CFAP53: variants seen among roughly 807,000 people sequenced by gnomAD.
CFAP53 encodes the protein cilia and flagella associated protein 53, also known as cilia- and flagella-associated protein 53.
In CFAP53, 62 loss-of-function variants were observed where a neutral mutation model predicts 59.7. That is an observed-to-expected ratio of 1.04 (90% CI 0.85 to 1.28). CFAP53 has a LOEUF of 1.28. Ranked by LOEUF, CFAP53 falls within the 50% of genes most tolerant of loss-of-function variation. The pLI is 0.00. For missense variants in CFAP53, 629 were observed against 615.6 expected, an observed-to-expected ratio of 1.02 and a Z score of -0.23; for synonymous variants, 218 against 205.7, an observed-to-expected ratio of 1.06 and a Z score of -0.51.
chr18:50,266,210 C>A (rs1421773785), intron 1 of CFAP53, 126 bp downstream of exon 1: 5 of 819,946 alleles, frequency 6.1e-6, no homozygotes, highest in Non-Finnish European at 1.0e-5. Context: ...ATTCAACCCA[C>A]TGCATCAGGC....
chr18:50,227,411 G>A lies in CFAP53; in HGVS notation c.1515C>T (p.Arg505=). Residue 505 remains arginine, a synonymous_variant, in exon 8 of 8, where the codon CGC becomes CGT. Coordinates refer to ENST00000398545, the MANE Select transcript of CFAP53 (RefSeq NM_145020.5). ...QVLPQNIHPM[R]KACPSKLPP is the part of the protein sequence containing the mutation. Reference sequence around the variant, plus strand: ...GTGGAAGCTTACTGGGGCATGCCTTGCGCATGGGATGAATGTTTTGAGGCA... The same window carrying A: ...GTGGAAGCTTACTGGGGCATGCCTTACGCATGGGATGAATGTTTTGAGGCA... The A allele has an allele frequency of 1.9e-6, 3 of 1,614,006 alleles. No individual in the cohort carries two copies. Among genetic ancestry groups the A allele is most frequent in the Non-Finnish European group, 2.5e-6 (3 of 1,179,870 alleles).
chr18:50,246,963 G>A (rs190869799), intron 5 of CFAP53, among the ~76,000 whole-genome samples: 39 of 152,066 alleles, frequency 2.6e-4, no homozygotes, highest in African/African-American at 8.0e-4. Flanking sequence ...CAGGAGAATC[G>A]CTTGAACCTG....
At chr18:50,242,566 G>A (rs747735824) in intron 6 of CFAP53, among the ~76,000 whole-genome samples, 18 of 152,124 alleles carry the variant, frequency 1.2e-4, no homozygotes, top group African/African-American at 3.1e-4. Flanking sequence ...GATAACTTTC[G>A]AAAGAAAAGA....
intron 3 of CFAP53, 53 bp from the exon 4 acceptor site, chr18:50,251,837 C>T: frequency 1.4e-6 from 2 of 1,449,596 alleles, no homozygotes; most frequent in Non-Finnish European, 1.9e-6. Flanking sequence ...AGGCACTGCT[C>T]TATTGAGGCA....
chr18:50,250,533 T>C (rs1315518285), intron 5 of CFAP53, among the ~76,000 whole-genome samples: 1 of 152,194 alleles, frequency 6.6e-6, no homozygotes, highest in Non-Finnish European at 1.5e-5. Flanking sequence ...GGGAGTGTGC[T>C]GAAACACAGA....
chr18:50,245,026 G>A (rs1450356812), intron 5 of CFAP53, among the ~76,000 whole-genome samples: 1 of 137,766 alleles, frequency 7.3e-6, no homozygotes, highest in Non-Finnish European at 1.5e-5. Context: ...ACATGCCACT[G>A]CACTCGAGCC....
intron 7 of CFAP53, among the ~76,000 whole-genome samples, chr18:50,237,570 T>C (rs2033650092): frequency 6.6e-6 from 1 of 151,258 alleles, no homozygotes. Flanking sequence ...GCACCAAGTG[T>C]GAGTAAGTCA....
intron 6 of CFAP53, among the ~76,000 whole-genome samples, chr18:50,240,588 G>A (rs912342716): frequency 6.6e-6 from 1 of 152,164 alleles, no homozygotes; most frequent in Non-Finnish European, 1.5e-5. Flanking sequence ...CTTTCTGCAG[G>A]AAGTAAAGAT....
intron 5 of CFAP53, among the ~76,000 whole-genome samples, chr18:50,245,834 T>C (rs189273198): frequency 1.5e-3 from 229 of 152,264 alleles, no homozygotes; most frequent in African/African-American, 2.9e-3. Flanking sequence ...GAACAAAGTT[T>C]GAGGATTTAC....
chr18:50,261,954 A>G (rs1354700311), intron 2 of CFAP53, 36 bp downstream of exon 2: 1 of 1,535,656 alleles, frequency 6.5e-7, no homozygotes, highest in Non-Finnish European at 9.0e-7. Flanking sequence ...TTTTAGGAAT[A>G]TTTCATGGTT....
intron 6 of CFAP53, among the ~76,000 whole-genome samples, chr18:50,239,941 T>A (rs79936656): frequency 0.024 from 3,671 of 152,330 alleles, 137 homozygotes; most frequent in African/African-American, 0.083. Context: ...TCTATAACAT[T>A]TATCACTTGT....
At chr18:50,241,981 A>G (rs747435493) in intron 6 of CFAP53, among the ~76,000 whole-genome samples, 22 of 151,998 alleles carry the variant, frequency 1.4e-4, no homozygotes, top group Non-Finnish European at 3.1e-4. Flanking sequence ...TAAGACAGAC[A>G]CTCCCAGAGC....
chr18:50,238,578 G>A (rs1356638966), intron 7 of CFAP53, 25 bp downstream of exon 7: 1 of 1,546,548 alleles, frequency 6.5e-7, no homozygotes, highest in Non-Finnish European at 8.9e-7. Context: ...GGTAGCAAAT[G>A]ATGATACAGA....
Position 50,262,080 on chromosome 18 carries a change from T to C in CFAP53, c.209A>G (p.Asn70Ser), listed in dbSNP as rs1313630002. 3.1e-6 allele frequency: 5 copies of C among 1,614,242 alleles called. No homozygotes were observed. The highest frequency in any genetic ancestry group is 1.1e-5 in the South Asian group (1 of 91,086). The change falls in exon 2 of 8, where the codon AAT (asparagine) becomes AGT (serine). Residue 70 changes from asparagine to serine, a missense_variant. Physicochemically the swap from Asn to Ser is conservative, Grantham distance 46. Coordinates refer to ENST00000398545, the MANE Select transcript of CFAP53 (RefSeq NM_145020.5). ...AAGGCTGTCCAAAATCTTGCAGTCA[T>C]TGTGCTGGTCCCACTCAGCTTTCAA... ...DRLKAEWDQH[N>S]DCKILDSLVR...
intron 6 of CFAP53, 34 bp downstream of exon 6, chr18:50,242,866 C>T: frequency 6.5e-7 from 1 of 1,545,544 alleles, no homozygotes; most frequent in Non-Finnish European, 8.9e-7. Flanking sequence ...GAATTAAGGG[C>T]AAGCTATAAT....
In CFAP53 at chr18:50,262,028, C is replaced by A. The variant is rs1294252816; in HGVS notation, c.261G>T (p.Val87=). 6.2e-7 allele frequency: 1 copy of A among 1,614,090 alleles called. No individual in the cohort carries two copies. Among genetic ancestry groups the A allele is most frequent in the Non-Finnish European group, 8.5e-7 (1 of 1,179,948 alleles). Reference sequence around the variant, plus strand: ...CTTCAATGTTAATGATAAACCCTTGCACAGCATCCTTGATTCTTGCTCGCA... The same window carrying A: ...CTTCAATGTTAATGATAAACCCTTGAACAGCATCCTTGATTCTTGCTCGCA... ...SLVRARIKDA[V]QGFIINIEER... Residue 87 remains valine (V), a synonymous_variant, in exon 2 of 8, where the codon GTG becomes GTT. Transcript: ENST00000398545.
Position 50,228,574 on chromosome 18 carries a change from T to A in CFAP53, c.1317-965A>T, listed in dbSNP as rs141278760. Among the ~76,000 whole-genome samples the A allele has an allele frequency of 7.3e-3, 1,116 of 152,084 alleles. 26 individuals carry two copies. The East Asian group carries it at 0.074, about 10-fold the overall frequency. On this transcript the variant is annotated intron_variant, in intron 7 of 7. Transcript: ENST00000398545. ...GGAGGCTGAGGTTGGGTGGATCACCTGAGGTCAGGAGTTCGAGACCAGCCT... is the reference window on the plus strand; with the variant it reads ...GGAGGCTGAGGTTGGGTGGATCACCAGAGGTCAGGAGTTCGAGACCAGCCT...
chr18:50,238,852 T>G (rs2033661735), intron 6 of CFAP53, 147 bp from the exon 7 acceptor site: 1 of 560,164 alleles, frequency 1.8e-6, no homozygotes. Context: ...GAAGTACACA[T>G]CTCAATTGAG....
chr18:50,252,260 C>T (rs903983186), intron 3 of CFAP53, among the ~76,000 whole-genome samples: 10 of 152,098 alleles, frequency 6.6e-5, no homozygotes, highest in African/African-American at 2.2e-4. Flanking sequence ...ACCACCACCA[C>T]GCCTGGCTAA....
Sources: gnomAD v4.1 joint callset for allele counts (sites outside exome capture counted in the v4.1 genomes callset) on GRCh38, gnomAD v4.1.1 for gene constraint, MANE v1.5 for transcripts, NCBI Gene and HGNC (gene_info 2026-07-23, HGNC 2026-07-21) for gene names.